Variants in STAM observed in about 807,000 individuals in gnomAD.
The protein encoded by STAM is signal transducing adaptor molecule.
Under a neutral mutation model 63.4 loss-of-function variants are expected in STAM, and 16 were observed. The observed-to-expected ratio is 0.25, with a 90% CI of 0.17 to 0.38. The LOEUF (loss-of-function observed/expected upper bound fraction) is 0.38, where lower values mean the gene tolerates loss of function less well. STAM is among the 10% of genes least tolerant of loss of function. The pLI, the probability that STAM is intolerant of heterozygous loss-of-function variation, is 1.00. For missense variants in STAM, 636 were observed against 657.1 expected (o/e 0.97, Z 0.35); for synonymous variants, 238 against 223.9 (o/e 1.06, Z -0.56).
chr10:17,652,384 A>G (rs1833775290), intron 1 of STAM, among the ~76,000 whole-genome samples: 1 of 152,208 alleles, frequency 6.6e-6, no homozygotes, highest in Non-Finnish European at 1.5e-5. Flanking sequence ...ATCCATACAA[A>G]TATGAATCAG....
At chr10:17,690,918 T>G (rs1389192953) in intron 5 of STAM, among the ~76,000 whole-genome samples, 2 of 152,202 alleles carry the variant, frequency 1.3e-5, no homozygotes, top group African/African-American at 2.4e-5. Flanking sequence ...GAACTTTGAA[T>G]AAAAAGTGCA....
intron 2 of STAM, among the ~76,000 whole-genome samples, chr10:17,664,655 G>T (rs549041209): frequency 2.0e-5 from 3 of 152,230 alleles, no homozygotes; most frequent in Non-Finnish European, 4.4e-5. Flanking sequence ...CATGTAAGTG[G>T]GTTGAGAGGG....
intron 2 of STAM, chr10:17,673,067 C>T (rs1834705822): frequency 2.0e-6 from 2 of 984,680 alleles, no homozygotes; most frequent in Non-Finnish European, 2.4e-6. Flanking sequence ...GATTTGCCCA[C>T]CCTTTAAACA....
At position 17,693,291 on chromosome 10, in the gene STAM, G is replaced by C; in HGVS notation, c.514G>C (p.Glu172Gln). The stretch of plus-strand genomic sequence containing the variant: ...TCCTGGTACTGTGGCTAACAAAAAA[G>C]AAGAAGAAGATTTAGCAAAAGGTGC... The part of the protein sequence containing the change: ...KDPGTVANKK[E>Q]EEDLAKAIEL... The change falls in exon 6 of 14, where the codon GAA becomes CAA. Residue 172 changes from glutamate to glutamine, a missense_variant. Coordinates refer to ENST00000377524, the MANE Select transcript of STAM (RefSeq NM_003473.4). 1 of 1,611,130 alleles carries C rather than the reference G, an allele frequency of 6.2e-7. No homozygotes were observed. Among genetic ancestry groups the C allele is most frequent in the East Asian group, 2.2e-5 (1 of 44,836 alleles).
intron 10 of STAM, 107 bp downstream of exon 10, chr10:17,704,625 T>C (rs1836171965): frequency 1.0e-6 from 1 of 959,378 alleles, no homozygotes; most frequent in Non-Finnish European, 1.6e-6. Context: ...GGAACATTTC[T>C]CACTTCTCCT....
At chr10:17,695,372 T>C in intron 7 of STAM, 131 bp downstream of exon 7, 1 of 797,374 alleles carries the variant, frequency 1.3e-6, no homozygotes, top group Non-Finnish European at 1.9e-6. Flanking sequence ...GTATGACAGT[T>C]GGCTGATTTG....
At chr10:17,663,285 A>T (rs1344843572) in intron 2 of STAM, among the ~76,000 whole-genome samples, 7 of 149,158 alleles carry the variant, frequency 4.7e-5, no homozygotes, top group Non-Finnish European at 7.5e-5. Flanking sequence ...TAGCTTTAAA[A>T]ATATTTTTTG....
chr10:17,677,799 T>C (rs1246305554), intron 2 of STAM, among the ~76,000 whole-genome samples: 2 of 152,194 alleles, frequency 1.3e-5, no homozygotes, highest in Non-Finnish European at 2.9e-5. Flanking sequence ...TCACAGGCAG[T>C]TGAGCATCCT....
intron 5 of STAM, among the ~76,000 whole-genome samples, chr10:17,691,748 C>G (rs1345991170): frequency 6.6e-6 from 1 of 152,148 alleles, no homozygotes; most frequent in East Asian, 1.9e-4. Flanking sequence ...AGATTATTGC[C>G]TGTTACAATG....
intron 5 of STAM, among the ~76,000 whole-genome samples, chr10:17,690,421 G>A (rs1554826620): frequency 6.6e-6 from 1 of 152,124 alleles, no homozygotes; most frequent in African/African-American, 2.4e-5. Flanking sequence ...GTATGTAACA[G>A]CTAATCTTGT....
intron 12 of STAM, among the ~76,000 whole-genome samples, chr10:17,708,465 C>A (rs939337855): frequency 6.6e-6 from 1 of 152,042 alleles, no homozygotes; most frequent in Non-Finnish European, 1.5e-5. Context: ...TTAAAAAATA[C>A]CAACATGCAG....
intron 1 of STAM, among the ~76,000 whole-genome samples, chr10:17,652,427 A>G (rs767126649): frequency 6.6e-6 from 1 of 152,182 alleles, no homozygotes; most frequent in African/African-American, 2.4e-5. Flanking sequence ...GGAAAGTAAT[A>G]AAGTAGTTCA....
At chr10:17,681,070 C>T (rs1380196481) in intron 2 of STAM, among the ~76,000 whole-genome samples, 1 of 152,092 alleles carries the variant, frequency 6.6e-6, no homozygotes, top group Non-Finnish European at 1.5e-5. Context: ...GCACCTGTAG[C>T]GTTTTACATT....
chr10:17,660,412 C>A, intron 1 of STAM, 52 bp from the exon 2 acceptor site: 1 of 1,259,692 alleles, frequency 7.9e-7, no homozygotes, highest in Admixed American at 2.2e-5. Context: ...GATTATGTAT[C>A]TTTTAAAGAT....
At chr10:17,644,406 A>G (rs1259473436) in intron 1 of STAM, 27 bp downstream of exon 1, 5 of 1,613,720 alleles carry the variant, frequency 3.1e-6, no homozygotes, top group Non-Finnish European at 4.2e-6. Flanking sequence ...CTCCCTGCCC[A>G]TTCCTCACCG....
rs970761127 is a variant in STAM at position 17,690,364 on chromosome 10, A to G, written c.444+2191A>G. 2.6e-5 allele frequency among the ~76,000 whole-genome samples: 4 copies of G among 152,274 alleles called. No individual in the cohort carries two copies. In the East Asian group the frequency reaches 7.7e-4, roughly 29 times the overall value. On this transcript the variant is annotated intron_variant, in intron 5 of 13. Coordinates refer to ENST00000377524, the MANE Select transcript of STAM (RefSeq NM_003473.4). ...GAAATTCAGGACATAGAAGAGCAAT[A>G]GTAAAGATAGGACTTAATTTTCATC...
chr10:17,713,190 A>G (rs1836636477), intron 13 of STAM, among the ~76,000 whole-genome samples: 1 of 151,914 alleles, frequency 6.6e-6, no homozygotes, highest in African/African-American at 2.4e-5. Flanking sequence ...TCTCAGCCTC[A>G]TTTGCCTCTT....
chr10:17,696,525 T>C (rs1181972406), intron 7 of STAM: 26 of 359,572 alleles, frequency 7.2e-5, no homozygotes, highest in Non-Finnish European at 3.0e-5. Flanking sequence ...GCCTCTTTTT[T>C]TGGGAGAGAG....
chr10:17,706,376 T>C (rs1443313409), intron 12 of STAM, among the ~76,000 whole-genome samples: 21 of 125,806 alleles, frequency 1.7e-4, no homozygotes, highest in Admixed American at 1.5e-3. Context: ...GCCCTTTTTT[T>C]TTTTTTTTTT....
Sources: gnomAD v4.1 joint callset for allele counts (sites outside exome capture counted in the v4.1 genomes callset) on GRCh38, gnomAD v4.1.1 for gene constraint, MANE v1.5 for transcripts, NCBI Gene and HGNC (gene_info 2026-07-23, HGNC 2026-07-21) for gene names.